Variants in ZNF726 observed in about 807,000 individuals in gnomAD.
ZNF726 encodes zinc finger protein 726.
ZNF726 carries 15 observed loss-of-function variants against 11.6 expected under a neutral mutation model. The ratio of observed to expected loss-of-function variants is 1.29; its 90% CI spans 0.86 to 1.99. The LOEUF is 1.99. ZNF726 is among the 30% of genes most tolerant of loss of function. The probability of loss-of-function intolerance (pLI) is 0.00; values close to 1 mark genes in which losing one functional copy is unlikely to be tolerated. For synonymous variants in ZNF726, 295 were observed against 243.6 expected, an observed-to-expected ratio of 1.21 and a Z score of -1.96; for missense variants, 890 against 725.6, an observed-to-expected ratio of 1.23 and a Z score of -2.60.
At chr19:23,932,281 A>T in intron 3 of ZNF726, 62 bp from the exon 4 acceptor site, 1 of 1,189,124 alleles carries the variant, frequency 8.4e-7, no homozygotes, top group African/African-American at 1.6e-5. Flanking sequence ...TATAGGTAAG[A>T]TTTTTAAACT....
In ZNF726 at chr19:23,939,958, C is replaced by A. The variant is rs142959439; in HGVS notation, c.227-3536C>A. Among the ~76,000 whole-genome samples the A allele has an allele frequency of 6.5e-3, 909 of 139,982 alleles. 8 individuals carry two copies. Among genetic ancestry groups the A allele is most frequent in the Middle Eastern group, 0.025 (6 of 244 alleles). 91.8% of individuals were successfully genotyped at this position (139,982 alleles called of 152,430 possible). ...CAGATGTATAGATTGTGAAGATTTT[C>A]TCCCACTCTGTGAGTTCTCTGTTTA... On this transcript the variant is annotated intron_variant, in intron 3 of 4. Coordinates refer to the ZNF726 transcript ENST00000334589.
At chr19:23,935,718 G>A (rs1342652849), downstream of ZNF726, 9 of 242,816 alleles carry the variant, frequency 3.7e-5, no homozygotes, top group Middle Eastern at 3.0e-3. Context: ...TGTGAACAAT[G>A]TGGCCAAGCT....
At chr19:23,930,241 A>G (rs1968076359) in intron 3 of ZNF726, among the ~76,000 whole-genome samples, 1 of 152,180 alleles carries the variant, frequency 6.6e-6, no homozygotes, top group African/African-American at 2.4e-5. Flanking sequence ...CTTTTATTAC[A>G]TCAAAATTTG....
At chr19:23,943,688 T>C (rs962839293) in intron 4 of ZNF726, 1 of 431,968 alleles carries the variant, frequency 2.3e-6, no homozygotes, top group Non-Finnish European at 4.2e-6. Context: ...TCTGCTTCAG[T>C]GGAAAGATTT....
At chr19:23,918,252 G>T (rs116408404) in intron 1 of ZNF726, among the ~76,000 whole-genome samples, 6 of 152,100 alleles carry the variant, frequency 3.9e-5, no homozygotes, top group African/African-American at 1.4e-4. Context: ...GGAAAAAAGG[G>T]CAAAGAAACT....
rs1406475176 is a variant in ZNF726 at position 23,933,487 on chromosome 19, A to G, written c.1371A>G (p.Glu457=). 3.8e-5 allele frequency: 62 copies of G among 1,612,642 alleles called. No individual in the cohort carries two copies. The highest frequency in any genetic ancestry group is 5.1e-5 in the Non-Finnish European group (60 of 1,179,784). The part of the protein sequence containing the change: ...HTREKPYKCE[E]CSKAFSRSSA... The stretch of plus-strand genomic sequence containing the variant: ...GAGAGAAACCCTACAAATGTGAAGA[A>G]TGTAGTAAAGCATTTAGCCGATCCT... The change falls in exon 4 of 4, where the codon GAA becomes GAG. Residue 457 remains glutamate (E), a synonymous_variant. Transcript: ENST00000594466.
At chr19:23,943,459 C>A in intron 3 of ZNF726, 1 of 555,480 alleles carries the variant, frequency 1.8e-6, no homozygotes, top group Non-Finnish European at 3.3e-6. Flanking sequence ...CTGGAGAATC[C>A]CAGCAAGTCA....
At chr19:23,935,556 A>T (rs1968216366), downstream of ZNF726, 4 of 347,432 alleles carry the variant, frequency 1.2e-5, no homozygotes, top group East Asian at 7.5e-5. Flanking sequence ...AATCTGAAAG[A>T]TGTGCCCAGT....
chr19:23,931,940 C>G (rs147991533), intron 3 of ZNF726, among the ~76,000 whole-genome samples: 425 of 152,240 alleles, frequency 2.8e-3, no homozygotes, highest in African/African-American at 9.9e-3. Flanking sequence ...AAAAAAGCCC[C>G]TAAAAGCCAG....
At chr19:23,929,352 A>T (rs2144982320) in intron 3 of ZNF726, 1 of 152,450 alleles carries the variant, frequency 6.6e-6, no homozygotes, top group Non-Finnish European at 1.5e-5. Flanking sequence ...CAATTTAGAA[A>T]AGAAAGAGGT....
At chr19:23,925,986 A>G (rs750799339) in intron 3 of ZNF726, among the ~76,000 whole-genome samples, 5 of 152,072 alleles carry the variant, frequency 3.3e-5, no homozygotes, top group Non-Finnish European at 7.4e-5. Context: ...GTGTGCTGCA[A>G]TTACAGGTGT....
downstream of ZNF726, among the ~76,000 whole-genome samples, chr19:23,937,414 C>T (rs1276035979): frequency 6.6e-6 from 1 of 151,528 alleles, no homozygotes; most frequent in Non-Finnish European, 1.5e-5. Context: ...CAGAGGGGCT[C>T]CTCACTTCTC....
rs919759813 is a variant in ZNF726, at chr19:23,919,419, A to C, written c.50A>C (p.Glu17Ala). 4 of 1,608,256 alleles carry C rather than the reference A, an allele frequency of 2.5e-6. No individual in the cohort carries two copies. Among genetic ancestry groups the C allele is most frequent in the Non-Finnish European group, 3.4e-6 (4 of 1,176,544 alleles). The part of the protein sequence containing the change: ...RDVAIEFSLE[E>A]WQCLDTAQKN... ...GTGGCCATAGAATTCTCTCTGGAGG[A>C]GTGGCAGTGCCTGGACACTGCACAG... Residue 17 changes from glutamate (E) to alanine (A), a missense_variant, in exon 2 of 4, where the codon GAG becomes GCG. Physicochemically the swap from Glu to Ala is moderately radical, Grantham distance 107. Coordinates refer to ENST00000594466, the MANE Select transcript of ZNF726 (RefSeq NM_001244038.2).
chr19:23,933,051 C>G lies in ZNF726; in HGVS notation c.935C>G (p.Pro312Arg). 1 of 1,613,596 alleles carries G rather than the reference C, an allele frequency of 6.2e-7. No homozygotes were observed. The highest frequency in any genetic ancestry group is 8.5e-7 in the Non-Finnish European group (1 of 1,179,954). ...IHKRMHIGEK[P>R]YKCEECGKAF... The stretch of plus-strand genomic sequence containing the variant: ...AAGAGGATGCACATTGGAGAGAAAC[C>G]CTACAAATGTGAAGAATGTGGCAAA... Residue 312 changes from proline (P) to arginine (R), a missense_variant, in exon 4 of 4, where the codon CCC becomes CGC. Transcript: ENST00000594466.
chr19:23,926,944 A>G (rs1278780302), intron 3 of ZNF726, among the ~76,000 whole-genome samples: 1 of 152,278 alleles, frequency 6.6e-6, no homozygotes, highest in Admixed American at 6.5e-5. Context: ...ATTTTAAACA[A>G]TGTTTCCTTA....
chr19:23,937,433 C>A (rs370163716), downstream of ZNF726, among the ~76,000 whole-genome samples: 1 of 147,714 alleles, frequency 6.8e-6, no homozygotes, highest in Admixed American at 6.7e-5. Flanking sequence ...TCAGACGGGG[C>A]GGTTGCCAGG....
chr19:23,926,700 A>T (rs1967997360), intron 3 of ZNF726, among the ~76,000 whole-genome samples: 1 of 151,880 alleles, frequency 6.6e-6, no homozygotes, highest in African/African-American at 2.4e-5. Flanking sequence ...TTTTGAAAAG[A>T]TTATCTTTTT....
rs1968192673 is a variant in ZNF726, at chr19:23,934,399, A to G, written c.*432A>G. On this transcript the variant is annotated 3_prime_UTR_variant, in exon 4 of 4. Transcript: ENST00000594466. ...AAGAGAAACCCTACAAATGTGAAAAATGTGTCAAAGCCTTTAAGCAGTCTT... is the reference window on the plus strand; with the variant it reads ...AAGAGAAACCCTACAAATGTGAAAAGTGTGTCAAAGCCTTTAAGCAGTCTT... 2.0e-6 allele frequency: 1 copy of G among 496,054 alleles called. No individual in the cohort carries two copies. 30.7% of individuals were successfully genotyped at this position (496,054 alleles called of 1,614,324 possible).
In ZNF726 at chr19:23,932,341, A is replaced by T. The variant is rs1176762593; in HGVS notation, c.227-2A>T. The T allele has an allele frequency of 7.4e-6, 10 of 1,351,156 alleles. No homozygotes were observed. Among genetic ancestry groups the T allele is most frequent in the Non-Finnish European group, 9.5e-6 (10 of 1,047,194 alleles). 83.7% of individuals were successfully genotyped at this position (1,351,156 alleles called of 1,614,324 possible). A position where few individuals can be genotyped will look rare whatever the true frequency, so the allele number is the denominator to read the frequency against. On this transcript the variant is annotated splice_acceptor_variant, in intron 3 of 3. Coordinates refer to ENST00000594466, the MANE Select transcript of ZNF726 (RefSeq NM_001244038.2). LOFTEE classifies it high-confidence loss of function. ...GAGTAAATTATTTTAATTTTTTTTT[A>T]GGTATATGTCCTCATTTTGCTCAAG... is the stretch of plus-strand genomic sequence containing the variant.
Sources: allele counts gnomAD v4.1 joint callset (sites outside exome capture counted in the v4.1 genomes callset), GRCh38; gene constraint gnomAD v4.1.1; transcripts MANE v1.5; gene names NCBI Gene and HGNC (gene_info 2026-07-23, HGNC 2026-07-21).